The following SNX8 variants were observed in gnomAD, a reference collection of about 807,000 sequenced individuals.
SNX8 encodes the protein sorting nexin-8.
SNX8 carries 25 observed loss-of-function variants against 51.6 expected under a neutral mutation model. That is an observed-to-expected ratio of 0.48 (90% CI 0.35 to 0.68). SNX8 has a LOEUF of 0.68. Among genes scored for constraint, SNX8 ranks in the 30% least tolerant of loss-of-function variants. SNX8 has a pLI of 0.00. For synonymous variants in SNX8, 324 were observed against 277.0 expected (o/e 1.17, Z -1.68); for missense variants, 695 against 624.0 (o/e 1.11, Z -1.21).
chr7:2,326,615 G>A (rs1007475926), intron 1 of SNX8, among the ~76,000 whole-genome samples: 15 of 151,996 alleles, frequency 9.9e-5, no homozygotes, highest in South Asian at 6.2e-4. Context: ...GCAGTGAGCC[G>A]AGATCACGCC....
rs71023399 is a variant in SNX8, at chr7:2,334,869, G to GAAA, written c.-66+19350_-66+19352dup. On this transcript the variant is annotated intron_variant, in intron 1 of 5. Coordinates refer to the SNX8 transcript ENST00000435336. Reference sequence around the variant, plus strand: ...GGCAACAGAGTAAGAGCCCATCTCTGAAAAAAAAAAAAAAAAAAAAAAAAA... The same window carrying GAAA: ...GGCAACAGAGTAAGAGCCCATCTCTGAAAAAAAAAAAAAAAAAAAAAAAAAAAA... 1.1e-3 allele frequency among the ~76,000 whole-genome samples: 91 copies of GAAA among 80,106 alleles called. 6 individuals carry two copies. Among genetic ancestry groups the GAAA allele is most frequent in the African/African-American group, 2.8e-3 (50 of 17,734 alleles). 52.6% of individuals were successfully genotyped at this position (80,106 alleles called of 152,430 possible).
chr7:2,311,892 A>C (rs1173137676), intron 1 of SNX8, among the ~76,000 whole-genome samples: 1 of 151,004 alleles, frequency 6.6e-6, no homozygotes, highest in Non-Finnish European at 1.5e-5. Context: ...AGCCGAGATC[A>C]CACCACTGCA....
chr7:2,318,360 G>A (rs1458203127), upstream of SNX8, among the ~76,000 whole-genome samples: 2 of 151,778 alleles, frequency 1.3e-5, no homozygotes, highest in Non-Finnish European at 2.9e-5. Context: ...AGACCAGCCT[G>A]GCCAACATGA....
chr7:2,290,913 G>A (rs905459590), intron 1 of SNX8, among the ~76,000 whole-genome samples: 3 of 152,202 alleles, frequency 2.0e-5, no homozygotes, highest in African/African-American at 4.8e-5. Context: ...AAACACTGCC[G>A]CATCGTCAGA....
intron 7 of SNX8, among the ~76,000 whole-genome samples, chr7:2,258,032 C>T (rs55668604): frequency 0.15 from 19,793 of 132,208 alleles, 1,685 homozygotes; most frequent in Middle Eastern, 0.27. Flanking sequence ...TTTTTTGAGT[C>T]GGAGTCTTCG....
At chr7:2,308,751 G>A (rs1021703454) in intron 1 of SNX8, among the ~76,000 whole-genome samples, 1 of 150,940 alleles carries the variant, frequency 6.6e-6, no homozygotes, top group African/African-American at 2.4e-5. Flanking sequence ...ATACTGTGGG[G>A]CATAATTTAA....
At chr7:2,333,084 A>G (rs908134343) in intron 1 of SNX8, among the ~76,000 whole-genome samples, 2 of 151,274 alleles carry the variant, frequency 1.3e-5, no homozygotes, top group African/African-American at 4.9e-5. Context: ...TTTCTTTTAA[A>G]TTTAAAAAAA....
At chr7:2,322,306 G>C (rs1778534109) in intron 1 of SNX8, among the ~76,000 whole-genome samples, 1 of 152,194 alleles carries the variant, frequency 6.6e-6, no homozygotes, top group African/African-American at 2.4e-5. Context: ...GCCAAGGCAG[G>C]AGAAGTGCTT....
chr7:2,268,380 C>A (rs1278991126), intron 5 of SNX8, among the ~76,000 whole-genome samples: 176 of 133,210 alleles, frequency 1.3e-3, no homozygotes, highest in Non-Finnish European at 1.4e-3. Context: ...AGCCTCTCCG[C>A]CCGGCAGCCA....
chr7:2,304,063 AG>A (rs1035566184), intron 1 of SNX8, among the ~76,000 whole-genome samples: 19 of 150,076 alleles, frequency 1.3e-4, no homozygotes, highest in African/African-American at 4.1e-4. Context: ...GCTACTCGGG[AG>A]GCTGAGGCAG....
chr7:2,285,013 C>G (rs182658915), intron 1 of SNX8, among the ~76,000 whole-genome samples: 237 of 151,930 alleles, frequency 1.6e-3, no homozygotes, highest in South Asian at 4.6e-3. Flanking sequence ...GAGATCGAGA[C>G]CATCCTGGCT....
At chr7:2,314,660 G>A (rs556705219), upstream of SNX8, among the ~76,000 whole-genome samples, 8 of 152,264 alleles carry the variant, frequency 5.3e-5, no homozygotes, top group Non-Finnish European at 1.2e-4. Flanking sequence ...TGCTGGTGGC[G>A]CAGGTTACCT....
chr7:2,324,933 G>C lies in SNX8; in HGVS notation c.-66+29289C>G, dbSNP rs1438462990. 3.4e-5 allele frequency among the ~76,000 whole-genome samples: 5 copies of C among 147,848 alleles called. No individual in the cohort carries two copies. The South Asian group carries it at 1.0e-3, about 31-fold the overall frequency. On this transcript the variant is annotated intron_variant, in intron 1 of 5. Coordinates refer to the SNX8 transcript ENST00000435336. The stretch of plus-strand genomic sequence containing the variant: ...AGATCCTCCTTCCTCAGCCTGCTGC[G>C]TAGCTGGGACTGCAGGCATTGGCCA...
At chr7:2,270,132 G>C (rs1437191101) in intron 4 of SNX8, among the ~76,000 whole-genome samples, 3 of 151,902 alleles carry the variant, frequency 2.0e-5, no homozygotes, top group East Asian at 3.9e-4. Flanking sequence ...AGAGGGACAG[G>C]CCCAGCCCCT....
intron 7 of SNX8, among the ~76,000 whole-genome samples, chr7:2,260,448 G>A (rs903843481): frequency 2.0e-5 from 3 of 152,094 alleles, no homozygotes; most frequent in African/African-American, 2.4e-5. Flanking sequence ...TGGGCCACAC[G>A]CAGCCTGTGG....
chr7:2,303,363 C>T (rs984340880), intron 1 of SNX8, among the ~76,000 whole-genome samples: 1 of 151,280 alleles, frequency 6.6e-6, no homozygotes, highest in Non-Finnish European at 1.5e-5. Context: ...GCCAGCCGCC[C>T]CGTCTGGGAG....
chr7:2,257,928 C>G (rs1584664057), intron 7 of SNX8, 125 bp from the exon 8 acceptor site: 3 of 886,016 alleles, frequency 3.4e-6, no homozygotes. Flanking sequence ...CTCCCCAGGA[C>G]CACCAGCCAG....
chr7:2,278,300 G>A lies in SNX8; in HGVS notation c.100C>T (p.Pro34Ser). Residue 34 changes from proline to serine, a missense_variant, in exon 2 of 11, where the codon CCG becomes TCG. Coordinates refer to ENST00000222990, the MANE Select transcript of SNX8 (RefSeq NM_013321.4). Reference protein sequence around the residue: ...EEADPPASDLPTPQAIEPQAI... With the variant: ...EEADPPASDLSTPQAIEPQAI... ...TGGGGCTCGATGGCCTGGGGTGTCG[G>A]CAGATCTGCAGGGGAGATGGTGAAT... The A allele has an allele frequency of 6.5e-7, 1 of 1,546,068 alleles. No homozygotes were observed. Among genetic ancestry groups the A allele is most frequent in the Non-Finnish European group, 8.9e-7 (1 of 1,129,432 alleles).
chr7:2,268,468 GC>G (rs1795543998), intron 5 of SNX8, among the ~76,000 whole-genome samples: 1 of 131,696 alleles, frequency 7.6e-6, no homozygotes, highest in African/African-American at 2.9e-5. Flanking sequence ...TCAGCCCCCC[GC>G]CCGGCCAGCC....
Sources: gnomAD v4.1 joint callset for allele counts (sites outside exome capture counted in the v4.1 genomes callset) on GRCh38, gnomAD v4.1.1 for gene constraint, MANE v1.5 for transcripts, NCBI Gene and HGNC (gene_info 2026-07-23, HGNC 2026-07-21) for gene names.